The following DIDO1 variants were observed in gnomAD, a reference collection of about 807,000 sequenced individuals.
The protein encoded by DIDO1 is death-inducer obliterator 1.
DIDO1 carries 16 observed loss-of-function variants against 99.4 expected under a neutral mutation model. The ratio of observed to expected loss-of-function variants is 0.16; its 90% CI spans 0.11 to 0.24. DIDO1 has a LOEUF of 0.24. DIDO1 is among the 10% of genes least tolerant of loss of function. The probability of loss-of-function intolerance (pLI) is 1.00; values close to 1 mark genes in which losing one functional copy is unlikely to be tolerated. For synonymous variants in DIDO1, 1,366 were observed against 1,239.1 expected (o/e 1.10, Z -2.15); for missense variants, 2,996 against 3,014.0 (o/e 0.99, Z 0.14).
At chr20:62,888,822 G>T in intron 15 of DIDO1, 2 of 985,460 alleles carry the variant, frequency 2.0e-6, no homozygotes, top group Non-Finnish European at 2.4e-6. Flanking sequence ...AGTGACCATG[G>T]AAGTGTGTGA....
At chr20:62,897,031 G>C in intron 6 of DIDO1, 35 bp from the exon 7 acceptor site, 1 of 1,569,808 alleles carries the variant, frequency 6.4e-7, no homozygotes, top group Non-Finnish European at 8.6e-7. Flanking sequence ...AGTAAGGGAG[G>C]ACACCACAGG....
At chr20:62,904,015 C>T (rs2064744792) in intron 6 of DIDO1, among the ~76,000 whole-genome samples, 1 of 152,214 alleles carries the variant, frequency 6.6e-6, no homozygotes, top group African/African-American at 2.4e-5. Flanking sequence ...GCTCCCTCCC[C>T]ACAATGTACA....
intron 6 of DIDO1, among the ~76,000 whole-genome samples, chr20:62,903,111 T>G (rs1200425441): frequency 6.6e-6 from 1 of 152,172 alleles, no homozygotes; most frequent in Non-Finnish European, 1.5e-5. Flanking sequence ...TTGAGAGAAG[T>G]TATGTGCACC....
At position 62,904,533 on chromosome 20, in the gene DIDO1, AC is replaced by A. The variant is rs1382342536; in HGVS notation, c.1588+1353del. On this transcript the variant is annotated intron_variant, in intron 6 of 15. Coordinates refer to ENST00000395343, the MANE Select transcript of DIDO1 (RefSeq NM_001193369.2). Reference sequence around the variant, plus strand: ...TGTGGCTCACATCTGCAATTCCAGCACTCTGGGAAGGCCGAGTTGGGCAGAT... The same window carrying A: ...TGTGGCTCACATCTGCAATTCCAGCATCTGGGAAGGCCGAGTTGGGCAGAT... Among the ~76,000 whole-genome samples, 5 of 152,084 alleles carry A rather than the reference AC, an allele frequency of 3.3e-5. No homozygotes were observed. The East Asian group carries it at 9.7e-4, about 29-fold the overall frequency.
Position 62,896,189 on chromosome 20 carries a change from G to A in DIDO1, c.2214+44C>T, listed in dbSNP as rs571411398. The A allele has an allele frequency of 7.2e-5, 113 of 1,574,676 alleles. 1 individual carries two copies. Among genetic ancestry groups the A allele is most frequent in the Non-Finnish European group, 8.7e-5 (101 of 1,160,076 alleles). On this transcript the variant is annotated intron_variant, in intron 8 of 15. Transcript: ENST00000395343. This position sits in a 1 kb window ranked among gnomAD's most constrained non-coding sequence, Gnocchi z 4.4. Reference sequence around the variant, plus strand: ...TTGGTTGATCCCTTTAGCACCCAGCGAACAGAACAGGAATACTCCAATGCA... The same window carrying A: ...TTGGTTGATCCCTTTAGCACCCAGCAAACAGAACAGGAATACTCCAATGCA...
chr20:62,904,956 G>A, intron 6 of DIDO1: 1 of 979,224 alleles, frequency 1.0e-6, no homozygotes, highest in Non-Finnish European at 1.2e-6. Context: ...ACCTTTCGGT[G>A]CTTTTTAAAA....
intron 15 of DIDO1, 164 bp downstream of exon 15, chr20:62,890,796 C>T: frequency 6.7e-7 from 1 of 1,483,642 alleles, no homozygotes; most frequent in Non-Finnish European, 8.9e-7. Context: ...GTGCCACAGT[C>T]CTACGCCCTC....
chr20:62,887,562 G>A (rs1303540229), intron 15 of DIDO1: 10 of 985,358 alleles, frequency 1.0e-5, no homozygotes, highest in East Asian at 1.1e-4. Flanking sequence ...CCATGTTTAT[G>A]GACCGAGGTT....
chr20:62,909,084 A>G (rs2064869158), intron 4 of DIDO1, among the ~76,000 whole-genome samples: 4 of 152,234 alleles, frequency 2.6e-5, no homozygotes, highest in Admixed American at 2.6e-4. Flanking sequence ...GTGTGAAGGC[A>G]GAGATGCTTC....
At chr20:62,905,404 C>T (rs1407873459) in intron 6 of DIDO1, 9 of 1,477,262 alleles carry the variant, frequency 6.1e-6, no homozygotes, top group African/African-American at 2.8e-5. Context: ...AGATGCAACA[C>T]TAACTTGCAA....
At position 62,892,901 on chromosome 20, in the gene DIDO1, T is replaced by A. The variant is rs1164018927; in HGVS notation, c.3163A>T (p.Thr1055Ser). 6.2e-7 allele frequency: 1 copy of A among 1,613,912 alleles called. No individual in the cohort carries two copies. Among genetic ancestry groups the A allele is most frequent in the Non-Finnish European group, 8.5e-7 (1 of 1,179,978 alleles). The change falls in exon 13 of 16, where the codon ACC (threonine) becomes TCC (serine). Residue 1055 changes from threonine (T) to serine (S), a missense_variant. Transcript: ENST00000395343. The part of the protein sequence containing the change: ...DTTLFLSRLS[T>S]IWKGFINMQS... ...ATGTTAATAAATCCTTTCCAAATGG[T>A]GCTGAGTCGAGACAAAAAGAGGGTC...
At chr20:62,922,844 C>T (rs750573493) in intron 1 of DIDO1, among the ~76,000 whole-genome samples, 9 of 152,188 alleles carry the variant, frequency 5.9e-5, no homozygotes, top group Non-Finnish European at 1.2e-4. Flanking sequence ...ATACTGTTCT[C>T]ATGGAGGGCA....
At chr20:62,887,757 C>T (rs2064319141) in intron 15 of DIDO1, 8 of 985,350 alleles carry the variant, frequency 8.1e-6, no homozygotes. Context: ...GGCCCTGAGA[C>T]AGGCCGGGAC....
At position 62,880,210 on chromosome 20, in the gene DIDO1, T is replaced by C; in HGVS notation, c.5746A>G (p.Arg1916Gly). 6.2e-7 allele frequency: 1 copy of C among 1,612,420 alleles called. No individual in the cohort carries two copies. The highest frequency in any genetic ancestry group is 1.3e-5 in the African/African-American group (1 of 75,014). The change falls in exon 16 of 16, where the codon AGA (arginine) becomes GGA (glycine). Residue 1916 changes from arginine to glycine, a missense_variant. Physicochemically the swap from Arg to Gly is moderately radical, Grantham distance 125 (BLOSUM62 -2). Around this residue, in one of 5 missense-constraint regions of DIDO1, gnomAD observed 1,562 missense variants for 1,412.6 expected, o/e 1.11. Transcript: ENST00000395343. ...GPPPSQFGGQ[R>G]GPPPGHFVGP... Reference sequence around the variant, plus strand: ...ACGAAATGACCAGGGGGTGGTCCTCTCTGACCTCCAAACTGAGAGGGAGGG... The same window carrying C: ...ACGAAATGACCAGGGGGTGGTCCTCCCTGACCTCCAAACTGAGAGGGAGGG...
At chr20:62,910,675 C>A in intron 3 of DIDO1, 99 bp downstream of exon 3, 2 of 1,343,300 alleles carry the variant, frequency 1.5e-6, no homozygotes, top group East Asian at 2.3e-5. Context: ...TCCAACAAAT[C>A]GCTCATCCAG....
chr20:62,930,218 C>CAAAAAAAA (rs11477620), upstream of DIDO1, among the ~76,000 whole-genome samples: 1 of 140,502 alleles, frequency 7.1e-6, no homozygotes. Flanking sequence ...AACAAACAAA[C>CAAAAAAAA]AAAAAAAAAA....
At position 62,910,900 on chromosome 20, in the gene DIDO1, A is replaced by G; in HGVS notation, c.713T>C (p.Leu238Ser). 1.9e-6 allele frequency: 3 copies of G among 1,613,900 alleles called. No homozygotes were observed. The highest frequency in any genetic ancestry group is 2.5e-6 in the Non-Finnish European group (3 of 1,180,002). The change falls in exon 3 of 16, where the codon TTG (leucine) becomes TCG (serine). Residue 238 changes from leucine (L) to serine (S), a missense_variant. Leu to Ser is a moderately radical substitution (Grantham distance 145, BLOSUM62 -2). This residue lies in a region of DIDO1 where 388 missense variants were observed against 376.6 expected (regional missense o/e 1.03). Transcript: ENST00000395343. ...GATGTCCTGAGCCGCCTTTCCCTCC[A>G]ACTTACTCTCTCTGTCATCTTTCCC... ...QAGKDDRESK[L>S]EGKAAQDIKD... is the part of the protein sequence containing the mutation.
Position 62,894,416 on chromosome 20 carries a change from T to A in DIDO1, c.2569A>T (p.Thr857Ser), listed in dbSNP as rs1344950610. ...HLFDLNCKIC[T>S]GQVPSAEDEP... is the part of the protein sequence containing the mutation. ...CCATCCCCTGCACTGTGCTCACCTGTGCAAATTTTACAGTTGAGATCGAAG... is the reference window on the plus strand; with the variant it reads ...CCATCCCCTGCACTGTGCTCACCTGAGCAAATTTTACAGTTGAGATCGAAG... Residue 857 changes from threonine (T) to serine (S), a missense_variant, in exon 11 of 16, where the codon ACA becomes TCA. Physicochemically the swap from Thr to Ser is moderately conservative, Grantham distance 58. Coordinates refer to ENST00000395343, the MANE Select transcript of DIDO1 (RefSeq NM_001193369.2). The surrounding 1 kb of genome is among the most constrained non-coding windows in gnomAD (Gnocchi z 4.4). 6.2e-7 allele frequency: 1 copy of A among 1,611,966 alleles called. No homozygotes were observed. The highest frequency in any genetic ancestry group is 8.5e-7 in the Non-Finnish European group (1 of 1,180,010).
In DIDO1 at chr20:62,894,656, G is replaced by GA. The variant is rs2064476374; in HGVS notation, c.2437-109dup. On this transcript the variant is annotated intron_variant, in intron 10 of 15. Transcript: ENST00000395343. This position sits in a 1 kb window ranked among gnomAD's most constrained non-coding sequence, Gnocchi z 4.4. Reference sequence around the variant, plus strand: ...TCATGGGATTGAGACCCACGGGGGAGAAAAAAGGACCATCTAATACAAGGA... The same window carrying GA: ...TCATGGGATTGAGACCCACGGGGGAGAAAAAAAGGACCATCTAATACAAGGA... 4 of 1,464,024 alleles carry GA rather than the reference G, an allele frequency of 2.7e-6. No individual in the cohort carries two copies. Among genetic ancestry groups the GA allele is most frequent in the Middle Eastern group, 2.5e-4 (1 of 4,046 alleles). 90.7% of individuals were successfully genotyped at this position (1,464,024 alleles called of 1,614,324 possible).
Sources: allele counts gnomAD v4.1 joint callset (sites outside exome capture counted in the v4.1 genomes callset), GRCh38; gene constraint gnomAD v4.1.1; regional missense constraint gnomAD v4.1.1; non-coding constraint Gnocchi (gnomAD v3.1); transcripts MANE v1.5; gene names NCBI Gene and HGNC (gene_info 2026-07-23, HGNC 2026-07-21).